WWOX: variants seen among roughly 807,000 people sequenced by gnomAD.
WWOX encodes WW domain containing oxidoreductase, also known as WW domain-containing oxidoreductase.
WWOX carries 69 observed loss-of-function variants against 46.2 expected under a neutral mutation model. The observed-to-expected ratio is 1.49, with a 90% CI of 1.23 to 1.82. WWOX has a LOEUF of 1.82. Among genes scored for constraint, WWOX ranks in the 40% most tolerant of loss-of-function variants. WWOX has a pLI of 0.00. For missense variants in WWOX, 919 were observed against 542.6 expected, an observed-to-expected ratio of 1.69 and a Z score of -6.89; for synonymous variants, 359 against 202.6, an observed-to-expected ratio of 1.77 and a Z score of -6.56.
At chr16:78,793,135 C>T (rs957609422) in intron 8 of WWOX, among the ~76,000 whole-genome samples, 2 of 152,162 alleles carry the variant, frequency 1.3e-5, no homozygotes, top group African/African-American at 4.8e-5. Context: ...TGAAGTGATG[C>T]AATCTCAGGT....
chr16:78,501,511 G>C (rs977863585), intron 8 of WWOX, among the ~76,000 whole-genome samples: 2 of 151,248 alleles, frequency 1.3e-5, no homozygotes, highest in Admixed American at 6.6e-5. Context: ...TGGGCTGTAC[G>C]TTAGAACCAC....
intron 8 of WWOX, among the ~76,000 whole-genome samples, chr16:79,046,630 T>A (rs2048070629): frequency 6.6e-6 from 1 of 152,150 alleles, no homozygotes; most frequent in Non-Finnish European, 1.5e-5. Flanking sequence ...CAAAGCTTTC[T>A]GTCTCACCAG....
chr16:78,262,004 C>T (rs1323695418), intron 5 of WWOX, among the ~76,000 whole-genome samples: 2 of 143,120 alleles, frequency 1.4e-5, no homozygotes, highest in Admixed American at 1.4e-4. Context: ...AAGAAAGAAT[C>T]GCTTGAACCT....
intron 5 of WWOX, among the ~76,000 whole-genome samples, chr16:78,327,789 C>A (rs534208389): frequency 1.7e-4 from 26 of 151,106 alleles, no homozygotes; most frequent in Admixed American, 1.5e-3. Flanking sequence ...GTACAAAGTG[C>A]TTCTGCAAAG....
At chr16:78,398,819 A>G (rs1260126475) in intron 6 of WWOX, among the ~76,000 whole-genome samples, 2 of 152,252 alleles carry the variant, frequency 1.3e-5, no homozygotes, top group Non-Finnish European at 2.9e-5. Flanking sequence ...TCAATAACTG[A>G]ATATTTATAA....
intron 5 of WWOX, among the ~76,000 whole-genome samples, chr16:78,379,447 T>C (rs1191417501): frequency 6.6e-6 from 1 of 152,190 alleles, no homozygotes; most frequent in Non-Finnish European, 1.5e-5. Flanking sequence ...CCTGGGCTTC[T>C]TCCACCTCCA....
chr16:79,077,038 A>G (rs2048670410), intron 8 of WWOX, among the ~76,000 whole-genome samples: 1 of 152,160 alleles, frequency 6.6e-6, no homozygotes, highest in Admixed American at 6.5e-5. Context: ...GTAGCCGATC[A>G]TCAATTCCCT....
chr16:78,846,719 A>G (rs2052308150), intron 8 of WWOX, among the ~76,000 whole-genome samples: 1 of 152,096 alleles, frequency 6.6e-6, no homozygotes, highest in Admixed American at 6.5e-5. Context: ...TAATAAATAT[A>G]TTGGGGGAGG....
chr16:79,058,447 G>C lies in WWOX; in HGVS notation c.1057-153161G>C, dbSNP rs1012575399. Among the ~76,000 whole-genome samples, 5 of 152,120 alleles carry C rather than the reference G, an allele frequency of 3.3e-5. No homozygotes were observed. In the South Asian group the frequency reaches 6.2e-4, roughly 19 times the overall value. Reference sequence around the variant, plus strand: ...TTATTGAAAGGGAATGATGAATGTAGTGAGAGAAGGAAGGAAGAGAGAGAG... The same window carrying C: ...TTATTGAAAGGGAATGATGAATGTACTGAGAGAAGGAAGGAAGAGAGAGAG... On this transcript the variant is annotated intron_variant, in intron 8 of 8. Coordinates refer to ENST00000566780, the MANE Select transcript of WWOX (RefSeq NM_016373.4).
intron 8 of WWOX, among the ~76,000 whole-genome samples, chr16:78,912,623 A>G (rs1415850170): frequency 6.6e-6 from 1 of 151,976 alleles, no homozygotes; most frequent in Non-Finnish European, 1.5e-5. Context: ...ACCTTGTAGA[A>G]TTTCATTTCT....
intron 8 of WWOX, among the ~76,000 whole-genome samples, chr16:78,901,440 T>C (rs1345713003): frequency 6.6e-6 from 1 of 152,220 alleles, no homozygotes; most frequent in Non-Finnish European, 1.5e-5. Flanking sequence ...CACTTCTGTT[T>C]CATTTTCTGT....
chr16:78,520,734 A>G (rs1291513756), intron 8 of WWOX, among the ~76,000 whole-genome samples: 2 of 152,084 alleles, frequency 1.3e-5, no homozygotes, highest in South Asian at 4.1e-4. Context: ...CCCCTGTACC[A>G]CGGCCAATGA....
intron 8 of WWOX, among the ~76,000 whole-genome samples, chr16:78,650,098 T>A (rs1465141123): frequency 6.6e-6 from 1 of 152,152 alleles, no homozygotes; most frequent in Non-Finnish European, 1.5e-5. Flanking sequence ...GGCTGAAATG[T>A]CAGAGGAAGG....
At chr16:78,486,163 C>T (rs920911791) in intron 8 of WWOX, among the ~76,000 whole-genome samples, 1 of 152,118 alleles carries the variant, frequency 6.6e-6, no homozygotes, top group Non-Finnish European at 1.5e-5. Flanking sequence ...GGGAAACAAA[C>T]CCTGTTTTGT....
chr16:79,057,091 A>G (rs1001920042), intron 8 of WWOX, among the ~76,000 whole-genome samples: 1 of 152,210 alleles, frequency 6.6e-6, no homozygotes, highest in African/African-American at 2.4e-5. Context: ...GAAGAGCTTA[A>G]CCCACTAATC....
chr16:79,142,546 T>A (rs77921020), intron 8 of WWOX, among the ~76,000 whole-genome samples: 2 of 152,206 alleles, frequency 1.3e-5, no homozygotes, highest in African/African-American at 2.4e-5. Context: ...AGAGGTAACA[T>A]TGATCTTAAT....
intron 8 of WWOX, among the ~76,000 whole-genome samples, chr16:79,164,890 G>A (rs772172511): frequency 2.6e-5 from 4 of 151,996 alleles, no homozygotes; most frequent in Non-Finnish European, 5.9e-5. Flanking sequence ...CACAAACCAG[G>A]CAAACCCACA....
intron 8 of WWOX, among the ~76,000 whole-genome samples, chr16:78,759,707 G>C (rs1455473716): frequency 6.6e-6 from 1 of 152,212 alleles, no homozygotes; most frequent in Non-Finnish European, 1.5e-5. Context: ...CCCTGTTGTA[G>C]TTTCCTATGG....
chr16:78,876,846 C>G (rs548126726), intron 8 of WWOX, among the ~76,000 whole-genome samples: 1 of 152,192 alleles, frequency 6.6e-6, no homozygotes, highest in South Asian at 2.1e-4. Context: ...CTTGGCAAAC[C>G]CAGTGGAACG....
Sources: allele counts gnomAD v4.1 joint callset (sites outside exome capture counted in the v4.1 genomes callset), GRCh38; gene constraint gnomAD v4.1.1; transcripts MANE v1.5; gene names NCBI Gene and HGNC (gene_info 2026-07-23, HGNC 2026-07-21).